Variants in SEMA5A observed in about 807,000 individuals in gnomAD.
SEMA5A encodes semaphorin 5A, also known as semaphorin-5A.
A neutral mutation model predicts 135.5 loss-of-function variants in SEMA5A; 55 were observed. The ratio of observed to expected loss-of-function variants is 0.41; its 90% CI spans 0.33 to 0.51. The LOEUF is 0.51. Ranked by LOEUF, SEMA5A falls within the 20% of genes least tolerant of loss-of-function variation. SEMA5A has a pLI of 0.37. For synonymous variants in SEMA5A, 580 were observed against 546.5 expected, an observed-to-expected ratio of 1.06 and a Z score of -0.85; for missense variants, 1,290 against 1,419.9, an observed-to-expected ratio of 0.91 and a Z score of 1.47.
intron 1 of SEMA5A, among the ~76,000 whole-genome samples, chr5:9,438,876 C>T (rs981174426): frequency 3.9e-4 from 59 of 152,180 alleles, no homozygotes; most frequent in African/African-American, 1.3e-3. Flanking sequence ...ATGAACTGAA[C>T]GACAGCAGCT....
intron 13 of SEMA5A, among the ~76,000 whole-genome samples, chr5:9,130,979 A>G (rs1469112605): frequency 6.6e-6 from 1 of 152,182 alleles, no homozygotes; most frequent in East Asian, 1.9e-4. Flanking sequence ...GATCACTGCT[A>G]AAGTCCCCTT....
intron 14 of SEMA5A, among the ~76,000 whole-genome samples, chr5:9,121,260 G>A (rs1443561196): frequency 6.6e-6 from 1 of 152,172 alleles, no homozygotes; most frequent in East Asian, 1.9e-4. Flanking sequence ...TCTAAATGCT[G>A]CTTAGAGGCA....
At chr5:9,166,428 T>C (rs1396014975) in intron 11 of SEMA5A, among the ~76,000 whole-genome samples, 1 of 152,144 alleles carries the variant, frequency 6.6e-6, no homozygotes, top group East Asian at 1.9e-4. Flanking sequence ...GGCCACTAAG[T>C]GAGTTTAACT....
chr5:9,401,511 G>A (rs966543778), intron 2 of SEMA5A, among the ~76,000 whole-genome samples: 1 of 152,124 alleles, frequency 6.6e-6, no homozygotes, highest in Non-Finnish European at 1.5e-5. Flanking sequence ...GCATCCCCGT[G>A]TGGTCCTCTT....
intron 2 of SEMA5A, among the ~76,000 whole-genome samples, chr5:9,399,803 G>A (rs900988461): frequency 2.0e-5 from 3 of 152,108 alleles, no homozygotes; most frequent in Non-Finnish European, 4.4e-5. Flanking sequence ...CCACAGTGGT[G>A]TTTGGTGATA....
At chr5:9,355,943 T>G (rs921902592) in intron 3 of SEMA5A, among the ~76,000 whole-genome samples, 1 of 152,216 alleles carries the variant, frequency 6.6e-6, no homozygotes, top group South Asian at 2.1e-4. Flanking sequence ...TTCAGAGCGA[T>G]GGCTATGACG....
chr5:9,304,190 A>G (rs988252554), intron 5 of SEMA5A, among the ~76,000 whole-genome samples: 5 of 152,138 alleles, frequency 3.3e-5, no homozygotes, highest in Admixed American at 2.0e-4. Flanking sequence ...TGTTGTCTAT[A>G]TAATTTCCAA....
At chr5:9,237,464 T>C (rs1299030551) in intron 6 of SEMA5A, among the ~76,000 whole-genome samples, 2 of 152,238 alleles carry the variant, frequency 1.3e-5, no homozygotes, top group Non-Finnish European at 2.9e-5. Context: ...ATTTGTCATA[T>C]CATTACTTTC....
At chr5:9,404,373 CATCA>C (rs1488692245) in intron 2 of SEMA5A, among the ~76,000 whole-genome samples, 5 of 152,162 alleles carry the variant, frequency 3.3e-5, no homozygotes, top group African/African-American at 1.2e-4. Flanking sequence ...ATTAAGAAGA[CATCA>C]ATGATTTTTT....
At chr5:9,049,425 A>T (rs978088404) in intron 21 of SEMA5A, among the ~76,000 whole-genome samples, 1 of 152,196 alleles carries the variant, frequency 6.6e-6, no homozygotes, top group Non-Finnish European at 1.5e-5. Flanking sequence ...TCGGCCTCCC[A>T]AAGTGCTGGG....
chr5:9,429,050 G>A (rs556062367), intron 2 of SEMA5A, among the ~76,000 whole-genome samples: 1 of 152,338 alleles, frequency 6.6e-6, no homozygotes, highest in South Asian at 2.1e-4. Flanking sequence ...ATGTGCACAG[G>A]AGTGTGGGGA....
chr5:9,239,887 G>C (rs185857061), intron 5 of SEMA5A, among the ~76,000 whole-genome samples: 2 of 152,126 alleles, frequency 1.3e-5, no homozygotes, highest in African/African-American at 4.8e-5. Flanking sequence ...AAGCTATAAA[G>C]AGAAGGATTA....
At chr5:9,093,924 T>C (rs2150128885) in intron 16 of SEMA5A, among the ~76,000 whole-genome samples, 1 of 152,246 alleles carries the variant, frequency 6.6e-6, no homozygotes, top group Middle Eastern at 3.4e-3. Context: ...GCTCCTCCTC[T>C]TAACTTGGCC....
rs188753305 is a variant in SEMA5A, at chr5:9,436,345, C to T, written c.-78+1411G>A. Among the ~76,000 whole-genome samples the T allele has an allele frequency of 3.2e-4, 48 of 152,336 alleles. No individual in the cohort carries two copies. The South Asian group carries it at 4.6e-3, about 14-fold the overall frequency. On this transcript the variant is annotated intron_variant, in intron 2 of 22. Coordinates refer to ENST00000382496, the MANE Select transcript of SEMA5A (RefSeq NM_003966.3). ...TCCATGGGGGAGGGAACGGGAGGTTCCGGTTAAGACACTATGTGAACCTGA... is the reference window on the plus strand; with the variant it reads ...TCCATGGGGGAGGGAACGGGAGGTTTCGGTTAAGACACTATGTGAACCTGA...
intron 1 of SEMA5A, among the ~76,000 whole-genome samples, chr5:9,537,045 C>G (rs899415604): frequency 6.6e-6 from 1 of 151,990 alleles, no homozygotes; most frequent in Non-Finnish European, 1.5e-5. Context: ...TAGAGGCTAA[C>G]ATTTGGATGC....
intron 12 of SEMA5A, among the ~76,000 whole-genome samples, chr5:9,143,440 T>C (rs1342718272): frequency 3.3e-5 from 5 of 152,224 alleles, no homozygotes; most frequent in African/African-American, 7.2e-5. Flanking sequence ...GGCTGTTTTT[T>C]ACATTTCATT....
At chr5:9,235,972 C>T (rs1268138080) in intron 6 of SEMA5A, among the ~76,000 whole-genome samples, 1 of 152,068 alleles carries the variant, frequency 6.6e-6, no homozygotes, top group Non-Finnish European at 1.5e-5. Flanking sequence ...GAAGGGGAAG[C>T]AAGACACGTC....
chr5:9,149,197 A>G (rs920753247), intron 12 of SEMA5A, among the ~76,000 whole-genome samples: 1 of 152,178 alleles, frequency 6.6e-6, no homozygotes. Context: ...ATTATGGTCT[A>G]TGGCTGCTTT....
At chr5:9,090,343 A>G (rs1331099622) in intron 16 of SEMA5A, among the ~76,000 whole-genome samples, 1 of 152,228 alleles carries the variant, frequency 6.6e-6, no homozygotes, top group Non-Finnish European at 1.5e-5. Context: ...AACCTGCTAC[A>G]AAAGTCCTCG....
Sources: gnomAD v4.1 joint callset for allele counts (sites outside exome capture counted in the v4.1 genomes callset) on GRCh38, gnomAD v4.1.1 for gene constraint, MANE v1.5 for transcripts, NCBI Gene and HGNC (gene_info 2026-07-23, HGNC 2026-07-21) for gene names.